TBC1D1: variants seen among roughly 807,000 people sequenced by gnomAD.
TBC1D1 encodes the protein TBC1 (tre-2/USP6, BUB2, cdc16) domain family, member 1.
Under a neutral mutation model 125.6 loss-of-function variants are expected in TBC1D1, and 89 were observed. The ratio of observed to expected loss-of-function variants is 0.71; its 90% CI spans 0.60 to 0.85. The LOEUF (loss-of-function observed/expected upper bound fraction) is 0.85, where lower values mean the gene tolerates loss of function less well. TBC1D1 is among the 40% of genes least tolerant of loss of function. The pLI is 0.00. For missense variants in TBC1D1, 1,377 were observed against 1,469.2 expected (o/e 0.94, Z 1.03); for synonymous variants, 565 against 564.1 (o/e 1.00, Z -0.02).
chr4:38,077,756 A>T (rs916382195), intron 12 of TBC1D1, among the ~76,000 whole-genome samples: 3 of 150,388 alleles, frequency 2.0e-5, no homozygotes, highest in Non-Finnish European at 4.4e-5. Context: ...TGTCTTCTGG[A>T]TGTTCAAGCG....
chr4:38,034,525 T>G (rs146723117), intron 7 of TBC1D1, among the ~76,000 whole-genome samples: 267 of 152,338 alleles, frequency 1.8e-3, no homozygotes, highest in Non-Finnish European at 2.5e-3. Context: ...AAGTCTGGGT[T>G]AGTGTTACCT....
At chr4:38,102,720 A>C (rs1373727518) in intron 14 of TBC1D1, among the ~76,000 whole-genome samples, 1 of 152,054 alleles carries the variant, frequency 6.6e-6, no homozygotes, top group Non-Finnish European at 1.5e-5. Flanking sequence ...CTCTACAAAA[A>C]TAAAAAAAAA....
intron 2 of TBC1D1, among the ~76,000 whole-genome samples, chr4:37,929,956 A>T (rs552007427): frequency 2.1e-4 from 32 of 152,322 alleles, no homozygotes; most frequent in African/African-American, 7.5e-4. Flanking sequence ...CACACTCTGA[A>T]CAGTGGTTTG....
At chr4:38,131,961 GAAAAT>G (rs1483573248) in intron 18 of TBC1D1, among the ~76,000 whole-genome samples, 1 of 152,222 alleles carries the variant, frequency 6.6e-6, no homozygotes, top group Non-Finnish European at 1.5e-5. Flanking sequence ...TCAAGGAAGA[GAAAAT>G]AAGATTGTTG....
rs574255691 is a variant in TBC1D1, at chr4:38,137,772, A to G, written c.*437A>G. ...GGGTTTGTGTGGCGACTACACCCTC[A>G]GCGTCCCTGGCAAGGTGCAGTTGGC... On this transcript the variant is annotated 3_prime_UTR_variant, in exon 20 of 20. Transcript: ENST00000261439. 1.3e-3 allele frequency: 200 copies of G among 156,776 alleles called. No homozygotes were observed. Among genetic ancestry groups the G allele is most frequent in the Non-Finnish European group, 2.2e-3 (159 of 71,004 alleles). The allele number at this position is 156,776 out of a possible 1,614,324, so 9.7% of individuals were successfully genotyped here.
In TBC1D1 at chr4:38,014,828, T is replaced by G; in HGVS notation, c.737T>G (p.Phe246Cys). ...CAGCCCGGCCTGCGCTCGCTGGCCT[T>G]TAGGAAGGAGCTGCAGGATGGGGGC... Residue 246 changes from phenylalanine (F) to cysteine (C), a missense_variant, in exon 3 of 20, where the codon TTT becomes TGT. By Grantham distance (205) the Phe-to-Cys change is radical. This residue lies in a region of TBC1D1 where 822 missense variants were observed against 824.6 expected (regional missense o/e 1.00). Transcript: ENST00000261439. The surrounding 1 kb of genome is among the most constrained non-coding windows in gnomAD (Gnocchi z 5.1). The G allele has an allele frequency of 6.2e-7, 1 of 1,610,630 alleles. No homozygotes were observed. The highest frequency in any genetic ancestry group is 8.5e-7 in the Non-Finnish European group (1 of 1,178,020).
chr4:38,121,975 A>T (rs938054942), intron 17 of TBC1D1, among the ~76,000 whole-genome samples: 3 of 152,166 alleles, frequency 2.0e-5, no homozygotes, highest in Non-Finnish European at 4.4e-5. Flanking sequence ...TCCTTCCTTC[A>T]ACTCTGAATT....
At position 38,018,339 on chromosome 4, in the gene TBC1D1, T is replaced by G; in HGVS notation, c.883-15T>G. ...GAAAGTTTGAAAAGCTAGATTTTTT[T>G]GTTTGTCTTTTAAGATTGGCCAGTC... On this transcript the variant is annotated splice_polypyrimidine_tract_variant and intron_variant, in intron 3 of 19. Coordinates refer to ENST00000261439, the MANE Select transcript of TBC1D1 (RefSeq NM_015173.4). 3 of 1,591,114 alleles carry G rather than the reference T, an allele frequency of 1.9e-6. No individual in the cohort carries two copies. Among genetic ancestry groups the G allele is most frequent in the Non-Finnish European group, 2.6e-6 (3 of 1,164,190 alleles).
intron 18 of TBC1D1, among the ~76,000 whole-genome samples, chr4:38,126,927 G>T: frequency 6.6e-6 from 1 of 151,956 alleles, no homozygotes; most frequent in Non-Finnish European, 1.5e-5. Flanking sequence ...ATTTTACCAG[G>T]ATTCTAATAC....
chr4:38,080,565 T>G (rs1266511368), intron 12 of TBC1D1, among the ~76,000 whole-genome samples: 2 of 152,236 alleles, frequency 1.3e-5, no homozygotes. Flanking sequence ...CATGCTGCTT[T>G]CTTTTAATTC....
intron 12 of TBC1D1, among the ~76,000 whole-genome samples, chr4:38,060,128 A>G (rs1249497370): frequency 6.6e-6 from 1 of 152,136 alleles, no homozygotes; most frequent in Non-Finnish European, 1.5e-5. Context: ...TCTATCATTG[A>G]TGGGCATTTG....
rs1404208082 is a variant in TBC1D1 at position 38,035,570 on chromosome 4, C to T, written c.1303-18C>T. 4 of 1,593,394 alleles carry T rather than the reference C, an allele frequency of 2.5e-6. No homozygotes were observed. The highest frequency in any genetic ancestry group is 1.3e-5 in the African/African-American group (1 of 74,270). ...TGACGATTAAAAATAAATCCTGTTTCTGATTTTTGTTTTAAAGAAATTGAG... is the reference window on the plus strand; with the variant it reads ...TGACGATTAAAAATAAATCCTGTTTTTGATTTTTGTTTTAAAGAAATTGAG... On this transcript the variant is annotated intron_variant, in intron 7 of 19. Transcript: ENST00000261439.
intron 1 of TBC1D1, among the ~76,000 whole-genome samples, chr4:37,896,873 G>A (rs1385570265): frequency 2.0e-5 from 3 of 151,864 alleles, no homozygotes; most frequent in African/African-American, 7.3e-5. Flanking sequence ...TAGCATAGCA[G>A]GACACATTAA....
At chr4:37,946,808 C>T (rs891941464) in intron 2 of TBC1D1, among the ~76,000 whole-genome samples, 4 of 152,190 alleles carry the variant, frequency 2.6e-5, no homozygotes, top group Non-Finnish European at 5.9e-5. Context: ...ATATCTTCTC[C>T]TGGGCTATGC....
chr4:38,100,108 A>G (rs1049258669), intron 14 of TBC1D1, among the ~76,000 whole-genome samples: 4 of 152,136 alleles, frequency 2.6e-5, no homozygotes, highest in Non-Finnish European at 5.9e-5. Flanking sequence ...ATTTGTGGGG[A>G]GGGTGTGCGT....
chr4:37,999,963 G>A (rs1461275095), intron 2 of TBC1D1, among the ~76,000 whole-genome samples: 1 of 152,170 alleles, frequency 6.6e-6, no homozygotes, highest in Non-Finnish European at 1.5e-5. Context: ...AGATTATAAT[G>A]TGCTGGTATT....
Position 38,090,034 on chromosome 4 carries a change from G to T in TBC1D1, c.2153G>T (p.Arg718Leu), listed in dbSNP as rs202172601. 20 of 1,613,988 alleles carry T rather than the reference G, an allele frequency of 1.2e-5. No individual in the cohort carries two copies. Among genetic ancestry groups the T allele is most frequent in the Non-Finnish European group, 1.4e-5 (17 of 1,180,000 alleles). ...CCAGAGGAAAAGAAAAGGACATCTC[G>T]TGAGCTCCGAGAGCTGTGGCAAAAG... The change falls in exon 13 of 20, where the codon CGT (arginine) becomes CTT (leucine). Residue 718 changes from arginine (R) to leucine (L), a missense_variant. Around this residue, in one of 3 missense-constraint regions of TBC1D1, gnomAD observed 543 missense variants for 613.5 expected, o/e 0.89. Coordinates refer to ENST00000261439, the MANE Select transcript of TBC1D1 (RefSeq NM_015173.4).
intron 2 of TBC1D1, among the ~76,000 whole-genome samples, chr4:37,992,782 C>T (rs1736895627): frequency 6.7e-6 from 1 of 149,472 alleles, no homozygotes; most frequent in Non-Finnish European, 1.5e-5. Context: ...TGTGAGCCAC[C>T]ATGCCTGGCC....
At chr4:37,990,094 G>C (rs757721464) in intron 2 of TBC1D1, among the ~76,000 whole-genome samples, 5 of 152,224 alleles carry the variant, frequency 3.3e-5, no homozygotes, top group African/African-American at 1.2e-4. Context: ...CCAGTCATTA[G>C]GTGGAAATAA....
Sources: gnomAD v4.1 joint callset for allele counts (sites outside exome capture counted in the v4.1 genomes callset) on GRCh38, gnomAD v4.1.1 for gene constraint, gnomAD v4.1.1 regional missense constraint, Gnocchi (gnomAD v3.1) non-coding constraint, MANE v1.5 for transcripts, NCBI Gene and HGNC (gene_info 2026-07-23, HGNC 2026-07-21) for gene names.